Variants in LHFPL6 observed in about 807,000 individuals in gnomAD.
The protein encoded by LHFPL6 is LHFPL tetraspan subfamily member 6, also known as LHFPL tetraspan subfamily member 6 protein.
Under a neutral mutation model 20.6 loss-of-function variants are expected in LHFPL6, and 9 were observed. The observed-to-expected ratio is 0.44, with a 90% CI of 0.26 to 0.76. The LOEUF is 0.76. Among genes scored for constraint, LHFPL6 ranks in the 30% least tolerant of loss-of-function variants. The pLI is 0.20. For synonymous variants in LHFPL6, 105 were observed against 98.7 expected, an observed-to-expected ratio of 1.06 and a Z score of -0.38; for missense variants, 218 against 253.5, an observed-to-expected ratio of 0.86 and a Z score of 0.95.
intron 2 of LHFPL6, among the ~76,000 whole-genome samples, chr13:39,489,539 A>C (rs1490401041): frequency 3.1e-5 from 4 of 130,918 alleles, no homozygotes; most frequent in Non-Finnish European, 6.4e-5. Context: ...GGAATGGAGA[A>C]GTATGCTGTG....
At chr13:39,421,025 A>G (rs1405192171) in intron 2 of LHFPL6, among the ~76,000 whole-genome samples, 2 of 152,064 alleles carry the variant, frequency 1.3e-5, no homozygotes, top group African/African-American at 4.8e-5. Context: ...GTGCTTTATC[A>G]TTTCTGTTTT....
intron 2 of LHFPL6, among the ~76,000 whole-genome samples, chr13:39,589,361 TCC>T (rs1872540323): frequency 6.6e-6 from 1 of 152,080 alleles, no homozygotes; most frequent in Admixed American, 6.5e-5. Flanking sequence ...CACCTCGGCC[TCC>T]CAAAGTGCTG....
At chr13:39,484,601 T>C (rs1868651748) in intron 2 of LHFPL6, among the ~76,000 whole-genome samples, 1 of 152,188 alleles carries the variant, frequency 6.6e-6, no homozygotes, top group South Asian at 2.1e-4. Flanking sequence ...ATTTTCTCTT[T>C]TGAAATCCTT....
chr13:39,533,699 G>C (rs868141745), intron 2 of LHFPL6, among the ~76,000 whole-genome samples: 2 of 152,302 alleles, frequency 1.3e-5, no homozygotes, highest in Middle Eastern at 3.4e-3. Flanking sequence ...TGTGCTTTCA[G>C]AAGGACTCAT....
At chr13:39,359,470 CTACA>C (rs141236535) in intron 3 of LHFPL6, among the ~76,000 whole-genome samples, 1,593 of 152,186 alleles carry the variant, frequency 0.01, 30 homozygotes, top group African/African-American at 0.037. Context: ...CCATGGAATA[CTACA>C]TGGCCATAAA....
intron 2 of LHFPL6, among the ~76,000 whole-genome samples, chr13:39,424,034 A>G (rs1297036462): frequency 6.6e-6 from 1 of 152,232 alleles, no homozygotes; most frequent in African/African-American, 2.4e-5. Flanking sequence ...AAATCTCTGT[A>G]TTGAACTCCT....
At chr13:39,438,754 T>C (rs1014410380) in intron 2 of LHFPL6, among the ~76,000 whole-genome samples, 11 of 152,232 alleles carry the variant, frequency 7.2e-5, no homozygotes, top group African/African-American at 2.7e-4. Context: ...GCCACAGTTT[T>C]TGAGGGTGAA....
chr13:39,403,293 A>G (rs1405205715), intron 2 of LHFPL6, among the ~76,000 whole-genome samples: 1 of 152,200 alleles, frequency 6.6e-6, no homozygotes, highest in Non-Finnish European at 1.5e-5. Flanking sequence ...CTTGCTCTCT[A>G]TAGGCTCTTG....
chr13:39,471,508 C>A (rs9576811), intron 2 of LHFPL6, among the ~76,000 whole-genome samples: 69,132 of 151,990 alleles, frequency 0.45, 16,245 homozygotes, highest in African/African-American at 0.57. Flanking sequence ...CACAGCCCAA[C>A]CAGGACATTC....
chr13:39,372,524 T>G lies in LHFPL6; in HGVS notation c.484+5904A>C, dbSNP rs1924312. On this transcript the variant is annotated intron_variant, in intron 3 of 3. Transcript: ENST00000379589. ...GTGTGGATTCACACCTACTCCTTGC[T>G]TCTTCATAAATTAGCGTGATCCAAA... is the stretch of plus-strand genomic sequence containing the variant. Among the ~76,000 whole-genome samples, 1,090 of 152,344 alleles carry G rather than the reference T, an allele frequency of 7.2e-3. 11 individuals are homozygous for G. Among genetic ancestry groups the G allele is most frequent in the African/African-American group, 0.024 (1,018 of 41,560 alleles).
intron 2 of LHFPL6, among the ~76,000 whole-genome samples, chr13:39,419,670 G>T (rs748266705): frequency 2.6e-5 from 4 of 152,070 alleles, no homozygotes; most frequent in Non-Finnish European, 5.9e-5. Context: ...TTTCAGAAAT[G>T]AAGGACAGAT....
intron 2 of LHFPL6, among the ~76,000 whole-genome samples, chr13:39,527,671 T>A (rs1268790411): frequency 6.6e-6 from 1 of 152,204 alleles, no homozygotes; most frequent in African/African-American, 2.4e-5. Flanking sequence ...TTATAGTACC[T>A]GGGCTCCTTC....
At position 39,472,068 on chromosome 13, in the gene LHFPL6, G is replaced by T. The variant is rs190310268; in HGVS notation, c.386-93542C>A. ...TTACACAGGAAACTGTGACAGAGCA[G>T]AGACCAGAACCTGAGATTTTCACCT... On this transcript the variant is annotated intron_variant, in intron 2 of 3. Transcript: ENST00000379589. 1.1e-3 allele frequency among the ~76,000 whole-genome samples: 173 copies of T among 152,304 alleles called. 1 individual carries two copies. Among genetic ancestry groups the T allele is most frequent in the African/African-American group, 3.8e-3 (157 of 41,566 alleles).
chr13:39,431,778 AT>A (rs1431217510), intron 2 of LHFPL6, among the ~76,000 whole-genome samples: 2 of 143,908 alleles, frequency 1.4e-5, no homozygotes, highest in Non-Finnish European at 1.5e-5. Context: ...TGTTTGTTCT[AT>A]TTTAAAAATA....
chr13:39,526,378 C>T (rs1870288139), intron 2 of LHFPL6, among the ~76,000 whole-genome samples: 1 of 152,072 alleles, frequency 6.6e-6, no homozygotes, highest in South Asian at 2.1e-4. Context: ...GTTTTTGTAC[C>T]AGAAAGAAGA....
intron 2 of LHFPL6, among the ~76,000 whole-genome samples, chr13:39,491,235 A>T (rs1205476739): frequency 6.6e-6 from 1 of 152,176 alleles, no homozygotes; most frequent in East Asian, 1.9e-4. Context: ...ATGATTGGGG[A>T]TCAAAGAAGG....
rs139404150 is a variant in LHFPL6, at chr13:39,516,857, C to G, written c.385+83975G>C. On this transcript the variant is annotated intron_variant, in intron 2 of 3. Coordinates refer to ENST00000379589, the MANE Select transcript of LHFPL6 (RefSeq NM_005780.3). ...ACAAAGCAAACATCCAAAGTGCCAA[C>G]AGTGGAGGGAGTCGTACCAATGCAG... Among the ~76,000 whole-genome samples, 371 of 152,340 alleles carry G rather than the reference C, an allele frequency of 2.4e-3. 4 individuals carry two copies. Among genetic ancestry groups the G allele is most frequent in the African/African-American group, 8.4e-3 (349 of 41,586 alleles).
intron 2 of LHFPL6, among the ~76,000 whole-genome samples, chr13:39,437,694 G>A (rs906401930): frequency 6.6e-6 from 1 of 152,090 alleles, no homozygotes; most frequent in Non-Finnish European, 1.5e-5. Flanking sequence ...ACGAGGTCAG[G>A]AGATCAAACC....
chr13:39,509,304 A>AT (rs200174481), intron 2 of LHFPL6, among the ~76,000 whole-genome samples: 50 of 151,078 alleles, frequency 3.3e-4, no homozygotes, highest in African/African-American at 7.8e-4. Flanking sequence ...ATAGTCATTC[A>AT]TTTTTTTTTC....
Sources: gnomAD v4.1 joint callset for allele counts (sites outside exome capture counted in the v4.1 genomes callset) on GRCh38, gnomAD v4.1.1 for gene constraint, MANE v1.5 for transcripts, NCBI Gene and HGNC (gene_info 2026-07-23, HGNC 2026-07-21) for gene names.